The following BIRC6 variants were observed in gnomAD, a reference collection of about 807,000 sequenced individuals.
The protein encoded by BIRC6 is baculoviral IAP repeat containing 6.
A neutral mutation model predicts 503.3 loss-of-function variants in BIRC6; 98 were observed. The observed-to-expected ratio is 0.19, with a 90% confidence interval of 0.17 to 0.23. The LOEUF (loss-of-function observed/expected upper bound fraction) is 0.23. BIRC6 is among the 10% of genes least tolerant of loss of function. The pLI, the probability that BIRC6 is intolerant of heterozygous loss-of-function variation, is 1.00. For missense variants in BIRC6, 5,360 were observed against 5,806.0 expected (o/e 0.92, Z 2.50); for synonymous variants, 2,240 against 2,078.7 (o/e 1.08, Z -2.11).
chr2:32,418,120 T>A (rs1447266372), intron 10 of BIRC6, among the ~76,000 whole-genome samples: 1 of 152,160 alleles, frequency 6.6e-6, no homozygotes, highest in Non-Finnish European at 1.5e-5. Flanking sequence ...TGGAAAAAAA[T>A]CTTTAAATAT....
At chr2:32,461,681 A>G (rs578036851) in intron 23 of BIRC6, among the ~76,000 whole-genome samples, 1 of 151,486 alleles carries the variant, frequency 6.6e-6, no homozygotes, top group South Asian at 2.1e-4. Flanking sequence ...TTATTTTTTA[A>G]TTTTATTAGA....
At chr2:32,380,851 G>C (rs1421509369) in intron 3 of BIRC6, among the ~76,000 whole-genome samples, 1 of 152,180 alleles carries the variant, frequency 6.6e-6, no homozygotes, top group East Asian at 1.9e-4. Context: ...AGTGCCTGAT[G>C]GACCTGGATT....
intron 72 of BIRC6, among the ~76,000 whole-genome samples, chr2:32,610,562 G>A (rs1351003546): frequency 1.3e-5 from 2 of 152,164 alleles, no homozygotes; most frequent in African/African-American, 4.8e-5. Flanking sequence ...TGTTCTTTGA[G>A]TTATCTTTTA....
intron 66 of BIRC6, among the ~76,000 whole-genome samples, chr2:32,586,568 A>G (rs1354153940): frequency 6.6e-6 from 1 of 150,826 alleles, no homozygotes; most frequent in Non-Finnish European, 1.5e-5. Flanking sequence ...ACAGGCGTAC[A>G]CCACCACTCC....
At chr2:32,525,300 G>A (rs1290871152) in intron 58 of BIRC6, among the ~76,000 whole-genome samples, 164 bp from the exon 59 acceptor site, 2 of 152,160 alleles carry the variant, frequency 1.3e-5, no homozygotes, top group Non-Finnish European at 2.9e-5. Flanking sequence ...TTGTTGTCAT[G>A]AAGGACGAAT....
intron 66 of BIRC6, among the ~76,000 whole-genome samples, chr2:32,575,912 T>A (rs2060237579): frequency 6.6e-6 from 1 of 152,236 alleles, no homozygotes. Flanking sequence ...CTCATAGCTA[T>A]AGGTATGAAG....
In BIRC6 at chr2:32,525,641, A is replaced by G. The variant is rs755914754; in HGVS notation, c.11920+13A>G. The G allele has an allele frequency of 6.2e-7, 1 of 1,603,474 alleles. No individual in the cohort carries two copies. Among genetic ancestry groups the G allele is most frequent in the Non-Finnish European group, 8.5e-7 (1 of 1,175,292 alleles). ...AAACTCTTGGCAGGTAATATTCCTCAATGAATAAACGTCAAAGAAATTTTA... is the reference window on the plus strand; with the variant it reads ...AAACTCTTGGCAGGTAATATTCCTCGATGAATAAACGTCAAAGAAATTTTA... On this transcript the variant is annotated intron_variant, in intron 59 of 73. Coordinates refer to ENST00000421745, the MANE Select transcript of BIRC6 (RefSeq NM_016252.4).
At chr2:32,383,968 C>T (rs938669772) in intron 3 of BIRC6, among the ~76,000 whole-genome samples, 10 of 152,168 alleles carry the variant, frequency 6.6e-5, no homozygotes, top group African/African-American at 2.2e-4. Context: ...TCCAGGTTTC[C>T]GCTTGTCAGT....
intron 45 of BIRC6, among the ~76,000 whole-genome samples, chr2:32,495,446 A>G (rs1232033719): frequency 1.3e-5 from 2 of 152,222 alleles, no homozygotes; most frequent in African/African-American, 4.8e-5. Flanking sequence ...AAGATCCAGC[A>G]GCTCTTTAGT....
intron 54 of BIRC6, among the ~76,000 whole-genome samples, chr2:32,514,646 C>T (rs920388254): frequency 3.9e-5 from 6 of 152,150 alleles, no homozygotes; most frequent in African/African-American, 9.7e-5. Flanking sequence ...TGGAATTTAA[C>T]GTAAACATTT....
chr2:32,475,159 T>TAA (rs11394641), intron 33 of BIRC6, among the ~76,000 whole-genome samples: 15,458 of 114,040 alleles, frequency 0.14, 1,219 homozygotes, highest in Middle Eastern at 0.22. Context: ...AAGACTATCT[T>TAA]AAAAAAAAAA....
At chr2:32,586,177 T>A (rs2061006962) in intron 66 of BIRC6, among the ~76,000 whole-genome samples, 3 of 152,170 alleles carry the variant, frequency 2.0e-5, no homozygotes. Context: ...ATGGCTAAAT[T>A]TAAGCCTTAA....
chr2:32,616,415 C>T (rs1000016902), intron 73 of BIRC6, among the ~76,000 whole-genome samples: 74 of 151,898 alleles, frequency 4.9e-4, no homozygotes, highest in African/African-American at 1.7e-3. Flanking sequence ...AAAAAATTAA[C>T]TGGGCATGGT....
intron 35 of BIRC6, 107 bp from the exon 36 acceptor site, chr2:32,478,528 T>A: frequency 1.1e-6 from 1 of 925,630 alleles, no homozygotes; most frequent in Non-Finnish European, 1.5e-6. Context: ...TCATACATCA[T>A]TGTTGAAACC....
intron 33 of BIRC6, among the ~76,000 whole-genome samples, chr2:32,473,749 GTATTTT>G (rs2049380712): frequency 3.7e-5 from 3 of 81,180 alleles, no homozygotes; most frequent in African/African-American, 1.5e-4. Context: ...GTGTGTGTGT[GTATTTT>G]TTTTTTTTTT....
chr2:32,372,048 G>A (rs958779462), intron 1 of BIRC6, among the ~76,000 whole-genome samples: 2 of 152,026 alleles, frequency 1.3e-5, no homozygotes, highest in Non-Finnish European at 2.9e-5. Context: ...CAAGTGATCC[G>A]CCCGCCTCGG....
At chr2:32,492,702 T>C (rs1206885153) in intron 44 of BIRC6, among the ~76,000 whole-genome samples, 1 of 152,106 alleles carries the variant, frequency 6.6e-6, no homozygotes, top group African/African-American at 2.4e-5. Context: ...GAAATAACTT[T>C]TTAAAACTTT....
chr2:32,583,604 A>C (rs72787505), intron 66 of BIRC6, among the ~76,000 whole-genome samples: 10 of 152,210 alleles, frequency 6.6e-5, no homozygotes, highest in Non-Finnish European at 1.0e-4. Flanking sequence ...GTTAGAGTTA[A>C]GTATTCTCAG....
At position 32,488,834 on chromosome 2, in the gene BIRC6, C is replaced by G. The variant is rs543173727; in HGVS notation, c.8095+120C>G. On this transcript the variant is annotated intron_variant, in intron 42 of 73. Coordinates refer to ENST00000421745, the MANE Select transcript of BIRC6 (RefSeq NM_016252.4). ...TTATAACATTCTAGTGGGGAAAAAA[C>G]AGAATACCTTTTTAAAAAGATGCAC... 35 of 694,296 alleles carry G rather than the reference C, an allele frequency of 5.0e-5. No individual in the cohort carries two copies. The African/African-American group carries it at 6.2e-4, about 12-fold the overall frequency. 43.0% of individuals were successfully genotyped at this position (694,296 alleles called of 1,614,324 possible). A position where few individuals can be genotyped will look rare whatever the true frequency, so the allele number is the denominator to read the frequency against.
Sources: allele counts gnomAD v4.1 joint callset (sites outside exome capture counted in the v4.1 genomes callset), GRCh38; gene constraint gnomAD v4.1.1; transcripts MANE v1.5; gene names NCBI Gene and HGNC (gene_info 2026-07-23, HGNC 2026-07-21).